The following UPF2 variants were observed in gnomAD, a reference collection of about 807,000 sequenced individuals.
UPF2 encodes the protein regulator of nonsense transcripts 2.
In UPF2, 17 loss-of-function variants were observed where a neutral mutation model predicts 141.4. That is an observed-to-expected ratio of 0.12 (90% CI 0.08 to 0.18). The LOEUF (loss-of-function observed/expected upper bound fraction) is 0.18. Ranked by LOEUF, UPF2 falls within the 10% of genes least tolerant of loss-of-function variation. The pLI, the probability that UPF2 is intolerant of heterozygous loss-of-function variation, is 1.00. For synonymous variants in UPF2, 540 were observed against 498.0 expected (o/e 1.08, Z -1.12); for missense variants, 1,152 against 1,515.9 (o/e 0.76, Z 3.99).
chr10:11,952,679 T>A (rs189329569), intron 14 of UPF2, among the ~76,000 whole-genome samples: 1 of 152,000 alleles, frequency 6.6e-6, no homozygotes, highest in African/African-American at 2.4e-5. Flanking sequence ...TTTCACTGTG[T>A]TAGCCAGGAT....
chr10:12,004,694 C>T lies in UPF2; in HGVS notation c.1340G>A (p.Gly447Asp). 1 of 1,613,704 alleles carries T rather than the reference C, an allele frequency of 6.2e-7. No homozygotes were observed. The highest frequency in any genetic ancestry group is 8.5e-7 in the Non-Finnish European group (1 of 1,179,866). ...HGPGIDIFTPGKPGEYDLEGG... is the reference protein window; with the variant it reads ...HGPGIDIFTPDKPGEYDLEGG... ...TTCCAAGTCATATTCTCCAGGTTTA[C>T]CAGGTGTGAATATATCAATTCCAGG... Residue 447 changes from glycine (G) to aspartate (D), a missense_variant, in exon 5 of 22, where the codon GGT becomes GAT. Coordinates refer to ENST00000357604, the MANE Select transcript of UPF2 (RefSeq NM_015542.4).
intron 9 of UPF2, among the ~76,000 whole-genome samples, chr10:11,973,547 G>A (rs1564350984): frequency 6.6e-6 from 1 of 152,118 alleles, no homozygotes; most frequent in Non-Finnish European, 1.5e-5. Flanking sequence ...AATCCATCTT[G>A]AATTAATTTT....
chr10:12,034,822 G>A (rs527759823), intron 2 of UPF2, among the ~76,000 whole-genome samples: 8 of 151,910 alleles, frequency 5.3e-5, no homozygotes, highest in African/African-American at 1.7e-4. Context: ...ATAAATAAAA[G>A]ATTACCCAGG....
chr10:11,929,909 C>T lies in UPF2; in HGVS notation c.3765G>A (p.Pro1255=), dbSNP rs772209196. The T allele has an allele frequency of 2.8e-5, 46 of 1,614,086 alleles. No homozygotes were observed. The highest frequency in any genetic ancestry group is 3.6e-5 in the Non-Finnish European group (43 of 1,180,048). Residue 1255 remains proline, a synonymous_variant, in exon 21 of 22, where the codon CCG becomes CCA. Transcript: ENST00000357604. Reference sequence around the variant, plus strand: ...TTAGATCTGCATTAGGTGCTCCCTTCGGATGTTGGTAGCGAGGCCGCCTCT... The same window carrying T: ...TTAGATCTGCATTAGGTGCTCCCTTTGGATGTTGGTAGCGAGGCCGCCTCT... ...NRERRPRYQH[P]KGAPNADLIF... is the part of the protein sequence containing the mutation.
At chr10:12,033,664 TA>T (rs985244105) in intron 2 of UPF2, among the ~76,000 whole-genome samples, 1 of 151,680 alleles carries the variant, frequency 6.6e-6, no homozygotes, top group Non-Finnish European at 1.5e-5. Context: ...CCTCTTAAAT[TA>T]AAAAAAAACT....
chr10:12,004,987 G>C (rs1834012140), intron 4 of UPF2, among the ~76,000 whole-genome samples: 1 of 152,006 alleles, frequency 6.6e-6, no homozygotes, highest in Non-Finnish European at 1.5e-5. Context: ...CAATTAATAT[G>C]AGATTAAGTA....
rs201851025 is a variant in UPF2 at position 12,035,348 on chromosome 10, T to C, written c.76A>G (p.Ser26Gly). ...SLPNNKEKDCSERRTVSSKER... is the reference protein window; with the variant it reads ...SLPNNKEKDCGERRTVSSKER... ...TTGCTGCTCACTGTCCGCCTTTCAC[T>C]GCAGTCTTTTTCCTTGTTGTTTGGT... The change falls in exon 2 of 22, where the codon AGT becomes GGT. Residue 26 changes from serine to glycine, a missense_variant. Transcript: ENST00000357604. 73 of 1,607,654 alleles carry C rather than the reference T, an allele frequency of 4.5e-5. No homozygotes were observed. In the African/African-American group the frequency reaches 9.4e-4, roughly 21 times the overall value.
rs761993891 is a variant in UPF2, at chr10:11,999,968, G to C, written c.1696C>G (p.Leu566Val). ...TGCTGTAGGAAAGCATCTACTATGA[G>C]CTTGAGATGAGATCCAGTGCTGGCT... is the stretch of plus-strand genomic sequence containing the variant. ...EEASTGSHLK[L>V]IVDAFLQQLP... The change falls in exon 7 of 22, where the codon CTC becomes GTC. Residue 566 changes from leucine to valine, a missense_variant. Physicochemically the swap from Leu to Val is conservative, Grantham distance 32. Coordinates refer to ENST00000357604, the MANE Select transcript of UPF2 (RefSeq NM_015542.4). 3 of 1,613,128 alleles carry C rather than the reference G, an allele frequency of 1.9e-6. No homozygotes were observed. The South Asian group carries it at 3.3e-5, about 18-fold the overall frequency.
intron 3 of UPF2, among the ~76,000 whole-genome samples, chr10:12,025,983 G>C (rs2131303212): frequency 6.6e-6 from 1 of 152,176 alleles, no homozygotes; most frequent in South Asian, 2.1e-4. Flanking sequence ...TTGTAGCAAT[G>C]GGGTTTCAGC....
At chr10:11,973,376 C>T (rs1833452775) in intron 9 of UPF2, among the ~76,000 whole-genome samples, 1 of 152,176 alleles carries the variant, frequency 6.6e-6, no homozygotes, top group South Asian at 2.1e-4. Context: ...TGTGCAGAAG[C>T]TCTTTAGTTT....
intron 4 of UPF2, among the ~76,000 whole-genome samples, chr10:12,008,501 A>G (rs1834073497): frequency 6.6e-6 from 1 of 151,604 alleles, no homozygotes; most frequent in South Asian, 2.1e-4. Flanking sequence ...ATGGTGACAC[A>G]TGCCTGTAGT....
chr10:12,040,593 C>T lies in UPF2; in HGVS notation c.-19+2162G>A, dbSNP rs149384743. ...CAAAGTATACTTGCGACTAAATTTC[C>T]GTAAACAAAAAAAAAAGACAAAAAT... On this transcript the variant is annotated intron_variant, in intron 1 of 21. Coordinates refer to ENST00000357604, the MANE Select transcript of UPF2 (RefSeq NM_015542.4). Among the ~76,000 whole-genome samples, 591 of 151,286 alleles carry T rather than the reference C, an allele frequency of 3.9e-3. 2 individuals carry two copies. The highest frequency in any genetic ancestry group is 0.014 in the African/African-American group (565 of 41,400).
chr10:11,956,363 T>C lies in UPF2; in HGVS notation c.2531A>G (p.His844Arg), dbSNP rs777302956. 1.9e-6 allele frequency: 3 copies of C among 1,614,186 alleles called. No homozygotes were observed. Among genetic ancestry groups the C allele is most frequent in the Non-Finnish European group, 2.5e-6 (3 of 1,180,024 alleles). The change falls in exon 13 of 22, where the codon CAC (histidine) becomes CGC (arginine). Residue 844 changes from histidine (H) to arginine (R), a missense_variant. This residue lies in a region of UPF2 where 739 missense variants were observed against 1,032.2 expected (regional missense o/e 0.72). Coordinates refer to ENST00000357604, the MANE Select transcript of UPF2 (RefSeq NM_015542.4). The surrounding 1 kb of genome is among the most constrained non-coding windows in gnomAD (Gnocchi z 4.2). ...ATCTTCTAACACTCCATCCACAACG[T>C]GGATCCCAACATCCTCTTGGTAGAG... ...LVLYQEDVGIHVVDGVLEDIR... is the reference protein window; with the variant it reads ...LVLYQEDVGIRVVDGVLEDIR...
intron 21 of UPF2, among the ~76,000 whole-genome samples, chr10:11,924,329 G>A (rs1369467852): frequency 1.3e-5 from 2 of 152,174 alleles, no homozygotes; most frequent in African/African-American, 2.4e-5. Flanking sequence ...TATAATCCCA[G>A]CACTTTGGGA....
At chr10:12,030,873 G>T (rs1362157357) in intron 2 of UPF2, among the ~76,000 whole-genome samples, 1 of 146,322 alleles carries the variant, frequency 6.8e-6, no homozygotes, top group Non-Finnish European at 1.5e-5. Context: ...GACAGAGCAA[G>T]ACTCTGTCTC....
At chr10:11,967,909 C>T (rs1266921770) in intron 9 of UPF2, among the ~76,000 whole-genome samples, 1 of 150,872 alleles carries the variant, frequency 6.6e-6, no homozygotes, top group Admixed American at 6.6e-5. Flanking sequence ...AGGCCGGGTG[C>T]GGTGGCTCAC....
intron 3 of UPF2, among the ~76,000 whole-genome samples, chr10:12,024,554 G>A (rs532620264): frequency 5.9e-4 from 90 of 151,990 alleles, no homozygotes; most frequent in African/African-American, 1.8e-3. Context: ...AGGTTGCAGC[G>A]AGCCAAGATC....
At chr10:11,983,168 C>T (rs1337448160) in intron 8 of UPF2, among the ~76,000 whole-genome samples, 1 of 152,110 alleles carries the variant, frequency 6.6e-6, no homozygotes, top group Non-Finnish European at 1.5e-5. Flanking sequence ...ACATTCTTCC[C>T]CATATTAAGG....
chr10:12,028,487 G>A (rs1253619650), intron 3 of UPF2, among the ~76,000 whole-genome samples: 1 of 152,116 alleles, frequency 6.6e-6, no homozygotes, highest in Non-Finnish European at 1.5e-5. Context: ...TAAAATCACA[G>A]GAAGAATACA....
Sources: gnomAD v4.1 joint callset for allele counts (sites outside exome capture counted in the v4.1 genomes callset) on GRCh38, gnomAD v4.1.1 for gene constraint, gnomAD v4.1.1 regional missense constraint, Gnocchi (gnomAD v3.1) non-coding constraint, MANE v1.5 for transcripts, NCBI Gene and HGNC (gene_info 2026-07-23, HGNC 2026-07-21) for gene names.